Variants in HDAC4 observed in about 807,000 individuals in gnomAD.
HDAC4 encodes the protein histone deacetylase A.
HDAC4 carries 16 observed loss-of-function variants against 135.1 expected under a neutral mutation model. That is an observed-to-expected ratio of 0.12 (90% CI 0.08 to 0.18). The LOEUF (loss-of-function observed/expected upper bound fraction) is 0.18. Among genes scored for constraint, HDAC4 ranks in the 10% least tolerant of loss-of-function variants. The probability of loss-of-function intolerance (pLI) is 1.00; values close to 1 mark genes in which losing one functional copy is unlikely to be tolerated. For synonymous variants in HDAC4, 685 were observed against 653.4 expected (o/e 1.05, Z -0.74); for missense variants, 1,143 against 1,511.8 (o/e 0.76, Z 4.05).
intron 1 of HDAC4, among the ~76,000 whole-genome samples, chr2:239,398,495 C>A (rs954737218): frequency 6.6e-6 from 1 of 152,240 alleles, no homozygotes; most frequent in Non-Finnish European, 1.5e-5. Context: ...AGCAACCCCA[C>A]AATGTGTGGA....
chr2:239,057,092 T>C (rs912522164), intron 24 of HDAC4, among the ~76,000 whole-genome samples: 2 of 152,356 alleles, frequency 1.3e-5, no homozygotes, highest in East Asian at 3.9e-4. Context: ...TTAATAGTCA[T>C]GGACCAGCAT....
intron 2 of HDAC4, among the ~76,000 whole-genome samples, chr2:239,265,492 C>A (rs924263446): frequency 6.6e-6 from 1 of 152,230 alleles, no homozygotes; most frequent in African/African-American, 2.4e-5. Context: ...CCCCTCTGTG[C>A]TTTCTGGGCA....
At chr2:239,250,867 C>T (rs150657508) in intron 2 of HDAC4, among the ~76,000 whole-genome samples, 26 of 152,316 alleles carry the variant, frequency 1.7e-4, no homozygotes, top group Admixed American at 6.5e-4. Flanking sequence ...AGATGGGACT[C>T]GGGGGCGGTT....
chr2:239,379,352 T>C (rs1414271559), intron 1 of HDAC4, among the ~76,000 whole-genome samples: 1 of 152,090 alleles, frequency 6.6e-6, no homozygotes, highest in Admixed American at 6.5e-5. Flanking sequence ...AAGCAGAGCG[T>C]GTGATGATGC....
At chr2:239,153,316 G>A (rs1246906191) in intron 7 of HDAC4, among the ~76,000 whole-genome samples, 5 of 152,188 alleles carry the variant, frequency 3.3e-5, no homozygotes, top group African/African-American at 4.8e-5. Flanking sequence ...ACTGTGTGCC[G>A]GGTCAGGATA....
intron 20 of HDAC4, among the ~76,000 whole-genome samples, chr2:239,083,715 T>A (rs2035583385): frequency 6.6e-6 from 1 of 152,186 alleles, no homozygotes; most frequent in East Asian, 1.9e-4. Flanking sequence ...CACCCCCCAT[T>A]CCAGCAGGAC....
At chr2:239,126,828 G>A in intron 11 of HDAC4, 134 bp from the exon 12 acceptor site, 1 of 955,926 alleles carries the variant, frequency 1.0e-6, no homozygotes, top group Non-Finnish European at 1.6e-6. Context: ...TGGTGCCCCA[G>A]AGCTGGCTCG....
intron 2 of HDAC4, among the ~76,000 whole-genome samples, chr2:239,273,148 C>A (rs2050148195): frequency 6.6e-6 from 1 of 152,152 alleles, no homozygotes; most frequent in African/African-American, 2.4e-5. Flanking sequence ...AGGAATTATA[C>A]AAGGTGACAA....
chr2:239,389,387 A>T lies in HDAC4; in HGVS notation c.-220+11591T>A, dbSNP rs561598496. On this transcript the variant is annotated intron_variant, in intron 1 of 26. Transcript: ENST00000543185. ...ACTTGCCGCGAAGGTCCGCAGCTTC[A>T]TTCTTGAAGTCAGCAAGACCACGAA... Among the ~76,000 whole-genome samples, 5 of 152,312 alleles carry T rather than the reference A, an allele frequency of 3.3e-5. No homozygotes were observed. In the South Asian group the frequency reaches 1.0e-3, roughly 32 times the overall value.
intron 3 of HDAC4, among the ~76,000 whole-genome samples, chr2:239,214,147 G>A (rs1034641711): frequency 6.6e-5 from 10 of 152,178 alleles, no homozygotes; most frequent in Admixed American, 3.9e-4. Flanking sequence ...TTTACGGAGC[G>A]AAAGTCAGAA....
intron 20 of HDAC4, among the ~76,000 whole-genome samples, chr2:239,083,516 A>G (rs1438540847): frequency 6.6e-6 from 1 of 152,254 alleles, no homozygotes; most frequent in East Asian, 1.9e-4. Flanking sequence ...TCCCTTAAAA[A>G]TTATGAAATA....
Position 239,115,229 on chromosome 2 carries a change from C to G in HDAC4, c.1615G>C (p.Ala539Pro). The G allele has an allele frequency of 6.2e-7, 1 of 1,612,594 alleles. No individual in the cohort carries two copies. The highest frequency in any genetic ancestry group is 8.5e-7 in the Non-Finnish European group (1 of 1,179,756). ...ETEEELREHQ[A>P]LLDEPYLDRL... ...TCCAGGTAGGGCTCGTCCAGCAGAG[C>G]CTGGTGCTCACGGAGCTCCTCCTCC... The change falls in exon 13 of 27, where the codon GCT becomes CCT. Residue 539 changes from alanine to proline, a missense_variant. Coordinates refer to ENST00000543185, the MANE Select transcript of HDAC4 (RefSeq NM_001378414.1). This position sits in a 1 kb window ranked among gnomAD's most constrained non-coding sequence, Gnocchi z 6.3.
rs552851873 is a variant in HDAC4 at position 239,337,031 on chromosome 2, T to C, written c.22+15647A>G. Among the ~76,000 whole-genome samples the C allele has an allele frequency of 6.6e-5, 10 of 152,250 alleles. No individual in the cohort carries two copies. In the East Asian group the frequency reaches 1.9e-3, roughly 29 times the overall value. The stretch of plus-strand genomic sequence containing the variant: ...CTGTAGGAAGGGTGTCTACTGGAAT[T>C]TGTCTGATGTTTTTCCCATGGTTGG... On this transcript the variant is annotated intron_variant, in intron 2 of 26. Coordinates refer to ENST00000543185, the MANE Select transcript of HDAC4 (RefSeq NM_001378414.1).
intron 7 of HDAC4, among the ~76,000 whole-genome samples, chr2:239,150,439 AACACAGACACAC>A (rs1167206376): frequency 2.0e-5 from 3 of 151,592 alleles, no homozygotes; most frequent in African/African-American, 7.3e-5. Context: ...CACACACAGA[AACACAGACACAC>A]ACACAGATAC....
chr2:239,302,853 G>A (rs886711961), intron 2 of HDAC4, among the ~76,000 whole-genome samples: 1 of 152,242 alleles, frequency 6.6e-6, no homozygotes, highest in South Asian at 2.1e-4. Context: ...AGTCTCTCAA[G>A]TTAGGCTCTC....
chr2:239,090,041 G>A lies in HDAC4; in HGVS notation c.2356C>T (p.Leu786=), dbSNP rs779541000. The A allele has an allele frequency of 1.3e-5, 21 of 1,613,822 alleles. 1 individual carries two copies. The South Asian group carries it at 1.9e-4, about 14-fold the overall frequency. Residue 786 remains leucine, a synonymous_variant, in exon 18 of 27, where the codon CTG becomes TTG. Transcript: ENST00000543185. ...ARLAVGCVVE[L]VFKVATGELK... ...TCCCCTGTGGCCACCTTGAAGACCA[G>A]CTCTACCACGCAGCCCACAGCCAGG...
chr2:239,288,991 CAG>C (rs1321782803), intron 2 of HDAC4, among the ~76,000 whole-genome samples: 1 of 152,180 alleles, frequency 6.6e-6, no homozygotes, highest in Non-Finnish European at 1.5e-5. Flanking sequence ...GGGGCTGAGA[CAG>C]GGGAGTGCGG....
intron 1 of HDAC4, among the ~76,000 whole-genome samples, chr2:239,359,345 G>A (rs928349544): frequency 6.6e-6 from 1 of 152,222 alleles, no homozygotes; most frequent in African/African-American, 2.4e-5. Context: ...TACCATGTGA[G>A]TTCCTCCTCA....
intron 6 of HDAC4, among the ~76,000 whole-genome samples, chr2:239,160,142 C>T (rs1438061333): frequency 6.6e-6 from 1 of 152,232 alleles, no homozygotes; most frequent in Non-Finnish European, 1.5e-5. Flanking sequence ...GTGAAATTTA[C>T]AATTTCCTAG....
Sources: gnomAD v4.1 joint callset for allele counts (sites outside exome capture counted in the v4.1 genomes callset) on GRCh38, gnomAD v4.1.1 for gene constraint, Gnocchi (gnomAD v3.1) non-coding constraint, MANE v1.5 for transcripts, NCBI Gene and HGNC (gene_info 2026-07-23, HGNC 2026-07-21) for gene names.